Variants in PCSK6 observed in about 807,000 individuals in gnomAD.
PCSK6 encodes the protein proprotein convertase subtilisin/kexin type 6.
A neutral mutation model predicts 123.3 loss-of-function variants in PCSK6; 85 were observed. The ratio of observed to expected loss-of-function variants is 0.69; its 90% CI spans 0.58 to 0.83. The LOEUF is 0.83. Among genes scored for constraint, PCSK6 ranks in the 40% least tolerant of loss-of-function variants. The pLI is 0.00. For missense variants in PCSK6, 1,191 were observed against 1,282.3 expected, an observed-to-expected ratio of 0.93 and a Z score of 1.09; for synonymous variants, 508 against 516.0, an observed-to-expected ratio of 0.98 and a Z score of 0.21.
intron 13 of PCSK6, among the ~76,000 whole-genome samples, chr15:101,362,928 T>C (rs1225201609): frequency 6.6e-6 from 1 of 152,102 alleles, no homozygotes; most frequent in Non-Finnish European, 1.5e-5. Context: ...AGGACAGAGA[T>C]GGGACCATAG....
chr15:101,410,074 A>G (rs1269134588), intron 6 of PCSK6, among the ~76,000 whole-genome samples: 1 of 152,222 alleles, frequency 6.6e-6, no homozygotes, highest in Non-Finnish European at 1.5e-5. Flanking sequence ...CTGGGATTAC[A>G]GGCATAAGCC....
At chr15:101,465,686 C>T (rs1306784071) in intron 1 of PCSK6, among the ~76,000 whole-genome samples, 4 of 50,788 alleles carry the variant, frequency 7.9e-5, no homozygotes. Context: ...GAGATGGGGC[C>T]GTGAGGGGGA....
intron 1 of PCSK6, among the ~76,000 whole-genome samples, chr15:101,475,550 G>C (rs2057710412): frequency 6.6e-6 from 1 of 152,030 alleles, no homozygotes; most frequent in Non-Finnish European, 1.5e-5. Flanking sequence ...CGGTGATGTG[G>C]TCTTGGCTCA....
At chr15:101,430,991 T>G (rs969945274) in intron 4 of PCSK6, among the ~76,000 whole-genome samples, 8 of 152,218 alleles carry the variant, frequency 5.3e-5, no homozygotes, top group African/African-American at 1.9e-4. Flanking sequence ...AGCCCGTGTT[T>G]TCACACTGTC....
intron 5 of PCSK6, among the ~76,000 whole-genome samples, chr15:101,428,752 G>A (rs1032104713): frequency 2.6e-4 from 40 of 152,162 alleles, no homozygotes; most frequent in Non-Finnish European, 4.3e-4. Flanking sequence ...TTTAAAAATC[G>A]CCCCAGGCAG....
intron 12 of PCSK6, among the ~76,000 whole-genome samples, chr15:101,368,111 T>A (rs2041456098): frequency 6.6e-6 from 1 of 152,214 alleles, no homozygotes; most frequent in Non-Finnish European, 1.5e-5. Flanking sequence ...CCACCCTTCC[T>A]GGGCTAGGGT....
intron 13 of PCSK6, among the ~76,000 whole-genome samples, chr15:101,357,572 T>C (rs555329722): frequency 1.3e-5 from 2 of 152,318 alleles, no homozygotes; most frequent in South Asian, 4.1e-4. Flanking sequence ...GTGTACACAA[T>C]AGCGTCATAG....
chr15:101,453,077 T>C (rs1264940501), intron 1 of PCSK6, among the ~76,000 whole-genome samples: 1 of 152,218 alleles, frequency 6.6e-6, no homozygotes, highest in Non-Finnish European at 1.5e-5. Flanking sequence ...TTAAAGAATG[T>C]ATGGTCTAAA....
chr15:101,468,326 T>C (rs933779093), intron 1 of PCSK6, among the ~76,000 whole-genome samples: 5 of 152,190 alleles, frequency 3.3e-5, no homozygotes, highest in Non-Finnish European at 2.9e-5. Context: ...GGATGGTCCA[T>C]CTTCATATTC....
chr15:101,374,085 G>T (rs2041664021), intron 11 of PCSK6, among the ~76,000 whole-genome samples: 1 of 152,158 alleles, frequency 6.6e-6, no homozygotes, highest in Non-Finnish European at 1.5e-5. Flanking sequence ...GCCAGACTTG[G>T]AAAAGATCTC....
intron 12 of PCSK6, among the ~76,000 whole-genome samples, chr15:101,369,128 G>A (rs1044275855): frequency 1.3e-5 from 2 of 152,182 alleles, no homozygotes; most frequent in African/African-American, 2.4e-5. Context: ...CTGGTGCCGG[G>A]CCCGCCACCT....
intron 1 of PCSK6, among the ~76,000 whole-genome samples, chr15:101,459,690 C>G (rs1447740578): frequency 6.6e-6 from 1 of 150,858 alleles, no homozygotes; most frequent in Non-Finnish European, 1.5e-5. Flanking sequence ...ACTATGAACA[C>G]AGCTCCAGCT....
At position 101,331,986 on chromosome 15, in the gene PCSK6, T is replaced by C. The variant is rs1246763914; in HGVS notation, c.1904A>G (p.His635Arg). The C allele has an allele frequency of 1.2e-6, 2 of 1,613,428 alleles. No individual in the cohort carries two copies. The highest frequency in any genetic ancestry group is 4.5e-5 in the East Asian group (2 of 44,882). The change falls in exon 14 of 22, where the codon CAC becomes CGC. Residue 635 changes from histidine (H) to arginine (R), a missense_variant. Around this residue, in one of 3 missense-constraint regions of PCSK6, gnomAD observed 630 missense variants for 631.4 expected, o/e 1.00. Coordinates refer to ENST00000611716, the MANE Select transcript of PCSK6 (RefSeq NM_002570.5). ...WSLILYGTAE[H>R]PYHTFSAHQS... The stretch of plus-strand genomic sequence containing the variant: ...ATGGGCACTGAAGGTGTGGTACGGG[T>C]GCTCTGCTGTGCCATACAGTATGAG...
intron 1 of PCSK6, among the ~76,000 whole-genome samples, chr15:101,454,859 C>T (rs982285329): frequency 6.6e-6 from 1 of 152,026 alleles, no homozygotes; most frequent in African/African-American, 2.4e-5. Flanking sequence ...GCAGGAGAAT[C>T]GCTTGAACCC....
Position 101,375,412 on chromosome 15 carries a change from C to G in PCSK6, c.1533-4889G>C, listed in dbSNP as rs1026592170. 2.6e-5 allele frequency among the ~76,000 whole-genome samples: 4 copies of G among 152,298 alleles called. No homozygotes were observed. The East Asian group carries it at 7.7e-4, about 29-fold the overall frequency. On this transcript the variant is annotated intron_variant, in intron 11 of 21. Transcript: ENST00000611716. ...ATATGTCATGCTTAAATTTATAGCA[C>G]ACTTTTTCCTGTACGTTAAATGAGG...
At chr15:101,357,625 G>T (rs2041081977) in intron 13 of PCSK6, among the ~76,000 whole-genome samples, 1 of 152,238 alleles carries the variant, frequency 6.6e-6, no homozygotes, top group Admixed American at 6.5e-5. Flanking sequence ...ATGCACTGAT[G>T]AGAAGCCTCG....
At chr15:101,451,624 G>A (rs985377550) in intron 1 of PCSK6, among the ~76,000 whole-genome samples, 4 of 152,102 alleles carry the variant, frequency 2.6e-5, no homozygotes, top group African/African-American at 7.2e-5. Flanking sequence ...TCCAAACCCC[G>A]TCCGCTCCGC....
Position 101,393,238 on chromosome 15 carries a change from T to C in PCSK6, c.1183A>G (p.Ser395Gly), listed in dbSNP as rs1226163334. The change falls in exon 8 of 22, where the codon AGT (serine) becomes GGT (glycine). Residue 395 changes from serine (S) to glycine (G), a missense_variant. Physicochemically the swap from Ser to Gly is moderately conservative, Grantham distance 56. This residue lies in a region of PCSK6 where 357 missense variants were observed against 484.5 expected (regional missense o/e 0.74). Transcript: ENST00000611716. ...CASTLATTYS[S>G]GAFYERKIVT... ...ATTTTTCGCTCATAAAAGGCCCCAC[T>C]GCTGTAGGTGGTGGCCAGGGTGGAG... The C allele has an allele frequency of 1.9e-6, 3 of 1,613,352 alleles. No homozygotes were observed. The highest frequency in any genetic ancestry group is 2.5e-6 in the Non-Finnish European group (3 of 1,179,880).
chr15:101,390,886 A>G (rs1053505990), intron 8 of PCSK6, among the ~76,000 whole-genome samples: 1 of 152,176 alleles, frequency 6.6e-6, no homozygotes, highest in African/African-American at 2.4e-5. Context: ...ATAATTTGTT[A>G]TGGCAGGAAT....
Sources: allele counts gnomAD v4.1 joint callset (sites outside exome capture counted in the v4.1 genomes callset), GRCh38; gene constraint gnomAD v4.1.1; regional missense constraint gnomAD v4.1.1; transcripts MANE v1.5; gene names NCBI Gene and HGNC (gene_info 2026-07-23, HGNC 2026-07-21).